Variants in GNAI2 observed in about 807,000 individuals in gnomAD.
GNAI2 encodes guanine nucleotide-binding protein G(i) subunit alpha-2.
In GNAI2, 4 loss-of-function variants were observed where a neutral mutation model predicts 36.8. The observed-to-expected ratio is 0.11, with a 90% CI of 0.05 to 0.25. The LOEUF is 0.25. GNAI2 is among the 10% of genes least tolerant of loss of function. The pLI is 1.00. For synonymous variants in GNAI2, 194 were observed against 194.1 expected (o/e 1.00, Z 0.01); for missense variants, 230 against 481.3 (o/e 0.48, Z 4.89).
At chr3:50,232,117 G>A (rs903174987), upstream of GNAI2, among the ~76,000 whole-genome samples, 2 of 151,866 alleles carry the variant, frequency 1.3e-5, no homozygotes, top group East Asian at 1.9e-4. Context: ...ATCATCTGAG[G>A]TCAGGAGTTT....
At chr3:50,246,757 T>G in intron 1 of GNAI2, 1 of 486,396 alleles carries the variant, frequency 2.1e-6, no homozygotes, top group Non-Finnish European at 3.5e-6. Flanking sequence ...GAGGTGTGCC[T>G]GGCTTTCTGG....
At chr3:50,245,528 C>G (rs1700395585) in intron 1 of GNAI2, among the ~76,000 whole-genome samples, 1 of 152,254 alleles carries the variant, frequency 6.6e-6, no homozygotes, top group Admixed American at 6.5e-5. Context: ...ATTCAGGTGC[C>G]TTGGGAACAG....
Position 50,252,326 on chromosome 3 carries a change from A to G in GNAI2, c.162-71A>G, listed in dbSNP as rs1235976849. The stretch of plus-strand genomic sequence containing the variant: ...TTTTCCCTTCTCTGAAGCAGGTCCC[A>G]GTAGCCCCAGGCAGCCGTGGGAACT... On this transcript the variant is annotated intron_variant, in intron 2 of 8. Coordinates refer to ENST00000313601, the MANE Select transcript of GNAI2 (RefSeq NM_002070.4). The surrounding 1 kb of genome is among the most constrained non-coding windows in gnomAD (Gnocchi z 4.1). The G allele has an allele frequency of 6.5e-7, 1 of 1,548,558 alleles. No homozygotes were observed. The highest frequency in any genetic ancestry group is 8.9e-7 in the Non-Finnish European group (1 of 1,123,314).
chr3:50,229,550 A>C (rs1700036649), upstream of GNAI2: 1 of 152,276 alleles, frequency 6.6e-6, no homozygotes, highest in Admixed American at 6.5e-5. Context: ...TTCCTCCATG[A>C]TGCCTCATGG....
At chr3:50,240,379 TC>T (rs1174688746) in intron 1 of GNAI2, among the ~76,000 whole-genome samples, 2 of 152,174 alleles carry the variant, frequency 1.3e-5, no homozygotes, top group Non-Finnish European at 2.9e-5. Flanking sequence ...TGGCCTGTAT[TC>T]CCAAGAGCTT....
intron 7 of GNAI2, 91 bp from the exon 8 acceptor site, chr3:50,257,409 G>T: frequency 1.2e-6 from 1 of 824,368 alleles, no homozygotes; most frequent in Non-Finnish European, 1.9e-6. Context: ...TTGTATGCCT[G>T]GCCGTCCACA....
rs1258684442 is a variant in GNAI2, at chr3:50,242,538, AG to A, written c.118+6088del. Among the ~76,000 whole-genome samples the A allele has an allele frequency of 6.6e-6, 1 of 152,082 alleles. No individual in the cohort carries two copies. Among genetic ancestry groups the A allele is most frequent in the African/African-American group, 2.4e-5 (1 of 41,396 alleles). Reference sequence around the variant, plus strand: ...CAGCCCTTCCCTCAGCTACAGGTGCAGGGTGGAACCCCGTCTGCCCAGCCCC... The same window carrying A: ...CAGCCCTTCCCTCAGCTACAGGTGCAGGTGGAACCCCGTCTGCCCAGCCCC... On this transcript the variant is annotated intron_variant, in intron 1 of 8. Coordinates refer to ENST00000313601, the MANE Select transcript of GNAI2 (RefSeq NM_002070.4). This position sits in a 1 kb window ranked among gnomAD's most constrained non-coding sequence, Gnocchi z 4.8.
At position 50,257,582 on chromosome 3, in the gene GNAI2, C is replaced by A; in HGVS notation, c.960C>A (p.Ile320=). ...DLNKRKDTKE[I]YTHFTCATDT... ...ATAAGCGCAAAGACACCAAGGAGATCTACACGCACTTCACGTGCGCCACCG... is the reference window on the plus strand; with the variant it reads ...ATAAGCGCAAAGACACCAAGGAGATATACACGCACTTCACGTGCGCCACCG... Residue 320 remains isoleucine (I), a synonymous_variant, in exon 8 of 9, where the codon ATC becomes ATA. Coordinates refer to ENST00000313601, the MANE Select transcript of GNAI2 (RefSeq NM_002070.4). The A allele has an allele frequency of 6.2e-7, 1 of 1,609,810 alleles. No homozygotes were observed. Among genetic ancestry groups the A allele is most frequent in the African/African-American group, 1.3e-5 (1 of 74,948 alleles).
chr3:50,243,857 C>T (rs1260524289), intron 1 of GNAI2, among the ~76,000 whole-genome samples: 2 of 152,056 alleles, frequency 1.3e-5, no homozygotes, highest in East Asian at 1.9e-4. Flanking sequence ...AGCAGGCAGA[C>T]GGTGTGGGTG....
At chr3:50,256,458 C>T (rs1435517892) in intron 5 of GNAI2, 138 bp downstream of exon 5, 6 of 821,102 alleles carry the variant, frequency 7.3e-6, no homozygotes, top group East Asian at 2.5e-5. Context: ...ACATCCTCAC[C>T]ACCTAGTGAA....
intron 1 of GNAI2, among the ~76,000 whole-genome samples, chr3:50,240,614 G>A (rs1393864227): frequency 6.6e-6 from 1 of 152,092 alleles, no homozygotes; most frequent in South Asian, 2.1e-4. Flanking sequence ...AAGCTTGGAG[G>A]TATGAAAAAT....
intron 1 of GNAI2, among the ~76,000 whole-genome samples, chr3:50,246,421 G>T (rs1444076385): frequency 6.6e-6 from 1 of 152,240 alleles, no homozygotes; most frequent in East Asian, 1.9e-4. Flanking sequence ...GGGGGTGCAC[G>T]GGATCTGAGA....
Position 50,253,253 on chromosome 3 carries a change from G to T in GNAI2, c.464+69G>T. The T allele has an allele frequency of 7.9e-7, 1 of 1,272,920 alleles. No individual in the cohort carries two copies. Among genetic ancestry groups the T allele is most frequent in the African/African-American group, 1.5e-5 (1 of 68,274 alleles). The allele number at this position is 1,272,920 out of a possible 1,614,324, so 78.9% of individuals were successfully genotyped here. A position where few individuals can be genotyped will look rare whatever the true frequency, so the allele number is the denominator to read the frequency against. The stretch of plus-strand genomic sequence containing the variant: ...GGAGGACTAAAGGCTGGACCGGAGG[G>T]CCTGAGAACCCCCAGAAGGACACTG... On this transcript the variant is annotated intron_variant, in intron 4 of 8. Transcript: ENST00000313601. The surrounding 1 kb of genome is among the most constrained non-coding windows in gnomAD (Gnocchi z 4.2).
Position 50,252,085 on chromosome 3 carries a change from T to A in GNAI2, c.119-15T>A. On this transcript the variant is annotated splice_polypyrimidine_tract_variant and intron_variant, in intron 1 of 8. Coordinates refer to ENST00000313601, the MANE Select transcript of GNAI2 (RefSeq NM_002070.4). The surrounding 1 kb of genome is among the most constrained non-coding windows in gnomAD (Gnocchi z 4.1). The stretch of plus-strand genomic sequence containing the variant: ...TCTGGGCCTGCCCCCTGACCACCTG[T>A]GCCCTCTGTTCCAGGTGCTGGGGAG... 6.2e-7 allele frequency: 1 copy of A among 1,613,072 alleles called. No individual in the cohort carries two copies. Among genetic ancestry groups the A allele is most frequent in the Non-Finnish European group, 8.5e-7 (1 of 1,179,210 alleles).
intron 5 of GNAI2, 149 bp downstream of exon 5, chr3:50,256,469 C>A (rs587680915): frequency 4.8e-5 from 38 of 784,904 alleles, no homozygotes; most frequent in African/African-American, 3.2e-4. Flanking sequence ...ACCTAGTGAA[C>A]CAGCAGTCAG....
In GNAI2 at chr3:50,252,584, G is replaced by A. The variant is rs28763896; in HGVS notation, c.303+46G>A. On this transcript the variant is annotated intron_variant, in intron 3 of 8. Transcript: ENST00000313601. This position sits in a 1 kb window ranked among gnomAD's most constrained non-coding sequence, Gnocchi z 4.1. The stretch of plus-strand genomic sequence containing the variant: ...CCTCTCCCACCTCCCAAAAGGTTTC[G>A]GGGTGGCTGGTTGTGGTGGCTCATG... 74,174 of 1,539,246 alleles carry A rather than the reference G, an allele frequency of 0.048. 2,072 individuals carry two copies. The highest frequency in any genetic ancestry group is 0.054 in the Non-Finnish European group (60,524 of 1,124,012).
upstream of GNAI2, among the ~76,000 whole-genome samples, chr3:50,232,887 T>G (rs1553699939): frequency 2.9e-5 from 4 of 136,656 alleles, no homozygotes; most frequent in Non-Finnish European, 4.8e-5. Flanking sequence ...CTGTGGCTGG[T>G]GGGGGGATCA....
Position 50,242,164 on chromosome 3 carries a change from C to T in GNAI2, c.118+5711C>T, listed in dbSNP as rs1317325370. On this transcript the variant is annotated intron_variant, in intron 1 of 8. Coordinates refer to ENST00000313601, the MANE Select transcript of GNAI2 (RefSeq NM_002070.4). This position sits in a 1 kb window ranked among gnomAD's most constrained non-coding sequence, Gnocchi z 4.8. ...CAGGATGGAGGAAGCTTTGTCCACC[C>T]AAGCTCTTAGCCACTGAGGAACCAG... Among the ~76,000 whole-genome samples, 10 of 152,140 alleles carry T rather than the reference C, an allele frequency of 6.6e-5. No homozygotes were observed. Among genetic ancestry groups the T allele is most frequent in the Non-Finnish European group, 1.2e-4 (8 of 68,010 alleles).
rs1160074521 is a variant in GNAI2, at chr3:50,236,693, C to T, written c.118+240C>T. Among the ~76,000 whole-genome samples the T allele has an allele frequency of 1.3e-5, 2 of 152,034 alleles. No homozygotes were observed. Among genetic ancestry groups the T allele is most frequent in the Non-Finnish European group, 2.9e-5 (2 of 68,016 alleles). ...CCTCCAAATCCAGTCAACAGTGCCC[C>T]AACACCCGCGGTCCAGTGCCCTGCT... On this transcript the variant is annotated intron_variant, in intron 1 of 8. Coordinates refer to ENST00000313601, the MANE Select transcript of GNAI2 (RefSeq NM_002070.4). The surrounding 1 kb of genome is among the most constrained non-coding windows in gnomAD (Gnocchi z 4.0).
Sources: gnomAD v4.1 joint callset for allele counts (sites outside exome capture counted in the v4.1 genomes callset) on GRCh38, gnomAD v4.1.1 for gene constraint, Gnocchi (gnomAD v3.1) non-coding constraint, MANE v1.5 for transcripts, NCBI Gene and HGNC (gene_info 2026-07-23, HGNC 2026-07-21) for gene names.